The following FAF1 variants were observed in gnomAD, a reference collection of about 807,000 sequenced individuals.
FAF1 encodes FAS-associated factor 1.
Under a neutral mutation model 92.5 loss-of-function variants are expected in FAF1, and 25 were observed. That is an observed-to-expected ratio of 0.27 (90% CI 0.20 to 0.38). FAF1 has a LOEUF of 0.38. Ranked by LOEUF, FAF1 falls within the 10% of genes least tolerant of loss-of-function variation. FAF1 has a pLI of 1.00. For synonymous variants in FAF1, 234 were observed against 273.2 expected (o/e 0.86, Z 1.42); for missense variants, 636 against 793.3 (o/e 0.80, Z 2.38).
chr1:50,936,948 A>ACGAAGCAGAGG (rs1645089955), intron 1 of FAF1, among the ~76,000 whole-genome samples: 1 of 152,188 alleles, frequency 6.6e-6, no homozygotes, highest in East Asian at 1.9e-4. Context: ...CGAAGCAGAG[A>ACGAAGCAGAGG]TGCAGAAGCC....
At chr1:50,600,589 G>A (rs1652059292) in intron 8 of FAF1, among the ~76,000 whole-genome samples, 1 of 152,052 alleles carries the variant, frequency 6.6e-6, no homozygotes, top group South Asian at 2.1e-4. Flanking sequence ...TCAAGTTCTA[G>A]TTTAGTATCA....
intron 2 of FAF1, among the ~76,000 whole-genome samples, chr1:50,825,646 T>C (rs958233614): frequency 1.1e-4 from 16 of 152,110 alleles, no homozygotes; most frequent in African/African-American, 2.9e-4. Context: ...CTAAAGAATA[T>C]AGAATACCTG....
chr1:50,913,249 C>G (rs1277317567), intron 1 of FAF1, among the ~76,000 whole-genome samples: 1 of 152,190 alleles, frequency 6.6e-6, no homozygotes, highest in East Asian at 1.9e-4. Flanking sequence ...TCAATTAATA[C>G]TTGTTAAAAG....
chr1:50,528,021 C>A (rs1165728661), intron 15 of FAF1, among the ~76,000 whole-genome samples: 1 of 151,990 alleles, frequency 6.6e-6, no homozygotes, highest in East Asian at 1.9e-4. Flanking sequence ...CACCACCATA[C>A]TTGGCTAATT....
chr1:50,692,294 G>GTGTGTGT (rs1187912073), intron 7 of FAF1, among the ~76,000 whole-genome samples: 5 of 98,696 alleles, frequency 5.1e-5, no homozygotes, highest in Non-Finnish European at 8.5e-5. Context: ...TGTGTGTGTG[G>GTGTGTGT]TGGGAACATT....
intron 9 of FAF1, among the ~76,000 whole-genome samples, chr1:50,595,737 T>A (rs1651769156): frequency 6.6e-6 from 1 of 151,932 alleles, no homozygotes. Context: ...GAGACGGGGT[T>A]TTACTATGTT....
intron 13 of FAF1, among the ~76,000 whole-genome samples, chr1:50,563,286 C>T (rs187408864): frequency 3.3e-5 from 5 of 152,204 alleles, no homozygotes; most frequent in Admixed American, 6.5e-5. Flanking sequence ...GAAATTAGAA[C>T]GGGGCATGGT....
chr1:50,732,000 T>A (rs1336906191), intron 6 of FAF1, among the ~76,000 whole-genome samples: 4 of 152,130 alleles, frequency 2.6e-5, no homozygotes, highest in Non-Finnish European at 5.9e-5. Context: ...AAGTATTCCA[T>A]GAGTGCTTTA....
chr1:50,866,058 T>C (rs902298117), intron 1 of FAF1, among the ~76,000 whole-genome samples: 4 of 152,024 alleles, frequency 2.6e-5, no homozygotes, highest in Non-Finnish European at 5.9e-5. Context: ...CACAAGTCAA[T>C]AAATGTGATA....
At chr1:50,738,830 A>G (rs748369268) in intron 6 of FAF1, 33 bp downstream of exon 6, 2 of 1,399,524 alleles carry the variant, frequency 1.4e-6, no homozygotes, top group South Asian at 1.2e-5. Flanking sequence ...TGAGTTTTTC[A>G]TTTCATGTTC....
chr1:50,904,918 G>A (rs1357367855), intron 1 of FAF1, among the ~76,000 whole-genome samples: 1 of 150,718 alleles, frequency 6.6e-6, no homozygotes, highest in Non-Finnish European at 1.5e-5. Flanking sequence ...TTAAGTTCTA[G>A]GGTACTTGTG....
intron 3 of FAF1, among the ~76,000 whole-genome samples, chr1:50,795,010 TAAG>T: frequency 6.6e-6 from 1 of 152,326 alleles, no homozygotes; most frequent in African/African-American, 2.4e-5. Context: ...ATAACATAGA[TAAG>T]AAGACATTGT....
chr1:50,800,739 T>C (rs1385834770), intron 3 of FAF1, among the ~76,000 whole-genome samples: 1 of 152,226 alleles, frequency 6.6e-6, no homozygotes, highest in Non-Finnish European at 1.5e-5. Flanking sequence ...CTTCCTGATG[T>C]TTCTGCAAGA....
chr1:50,927,154 G>A (rs1040847068), intron 1 of FAF1, among the ~76,000 whole-genome samples: 1 of 152,160 alleles, frequency 6.6e-6, no homozygotes, highest in African/African-American at 2.4e-5. Context: ...AGATGAAAAC[G>A]TTCTAGAGAT....
intron 4 of FAF1, among the ~76,000 whole-genome samples, chr1:50,784,468 C>T (rs1192464879): frequency 1.3e-5 from 2 of 152,050 alleles, no homozygotes; most frequent in South Asian, 2.1e-4. Flanking sequence ...GAATAAAATG[C>T]TTATGAATAA....
At chr1:50,729,325 G>A (rs1658822051) in intron 6 of FAF1, among the ~76,000 whole-genome samples, 1 of 151,828 alleles carries the variant, frequency 6.6e-6, no homozygotes, top group South Asian at 2.1e-4. Context: ...AAAGCGCTGG[G>A]ATTACAGGTG....
chr1:50,815,222 C>T (rs1231742317), intron 2 of FAF1, among the ~76,000 whole-genome samples: 1 of 152,116 alleles, frequency 6.6e-6, no homozygotes, highest in African/African-American at 2.4e-5. Context: ...TTTTCAACCC[C>T]TGTCCACCTC....
At chr1:50,647,512 A>G (rs939759634) in intron 8 of FAF1, among the ~76,000 whole-genome samples, 1 of 152,124 alleles carries the variant, frequency 6.6e-6, no homozygotes, top group African/African-American at 2.4e-5. Context: ...TTGTTCAATT[A>G]AACTCTGTTA....
rs760453530 is a variant in FAF1 at position 50,937,767 on chromosome 1, CT to C, written c.45+21999del. Among the ~76,000 whole-genome samples, 22 of 152,256 alleles carry C rather than the reference CT, an allele frequency of 1.4e-4. 1 individual carries two copies. The highest frequency in any genetic ancestry group is 1.0e-3 in the South Asian group (5 of 4,822). ...TACAAGGATTTTAAGAAAAATGCCC[CT>C]ATCTTAATTTTTGTATCTCTTCTTC... On this transcript the variant is annotated intron_variant, in intron 1 of 18. Transcript: ENST00000396153.
Sources: allele counts gnomAD v4.1 joint callset (sites outside exome capture counted in the v4.1 genomes callset), GRCh38; gene constraint gnomAD v4.1.1; transcripts MANE v1.5; gene names NCBI Gene and HGNC (gene_info 2026-07-23, HGNC 2026-07-21).